DRGX: variants seen among roughly 807,000 people sequenced by gnomAD.
DRGX encodes dorsal root ganglia homeobox protein.
Under a neutral mutation model 28.6 loss-of-function variants are expected in DRGX, and 21 were observed. The observed-to-expected ratio is 0.73, with a 90% confidence interval of 0.52 to 1.06. The LOEUF (loss-of-function observed/expected upper bound fraction) is 1.06, where lower values mean the gene tolerates loss of function less well. Ranked by LOEUF, DRGX falls within the 50% of genes least tolerant of loss-of-function variation. DRGX has a pLI of 0.00. For missense variants in DRGX, 354 were observed against 343.9 expected, an observed-to-expected ratio of 1.03 and a Z score of -0.23; for synonymous variants, 136 against 139.1, an observed-to-expected ratio of 0.98 and a Z score of 0.16.
At chr10:49,381,885 T>C (rs1226410113) in intron 6 of DRGX, among the ~76,000 whole-genome samples, 1 of 152,144 alleles carries the variant, frequency 6.6e-6, no homozygotes, top group Non-Finnish European at 1.5e-5. Flanking sequence ...CCACAAAGCC[T>C]GGGGAAGGAG....
chr10:49,376,199 A>G (rs1010601496), intron 6 of DRGX, among the ~76,000 whole-genome samples: 5 of 152,142 alleles, frequency 3.3e-5, no homozygotes, highest in African/African-American at 1.2e-4. Context: ...TATTCTGCAG[A>G]AGCCGTGGTA....
intron 6 of DRGX, 49 bp downstream of exon 6, chr10:49,386,429 A>G (rs1590368780): frequency 6.8e-6 from 10 of 1,460,254 alleles, no homozygotes; most frequent in Non-Finnish European, 9.1e-6. Context: ...CACAAACTCC[A>G]CCAACCCCAT....
intron 4 of DRGX, 64 bp downstream of exon 4, chr10:49,390,069 G>T (rs755578858): frequency 1.3e-5 from 19 of 1,482,032 alleles, no homozygotes; most frequent in Non-Finnish European, 1.6e-5. Flanking sequence ...CTGCAGTCAT[G>T]ATGTCAAAAA....
At position 49,394,915 on chromosome 10, in the gene DRGX, CA is replaced by C. The variant is rs541135117; in HGVS notation, c.34+491del. The stretch of plus-strand genomic sequence containing the variant: ...GAAGGGAATTGAGCTGCCCAGAATC[CA>C]GGGCGGAAGAGGCCCCTGCAGTGTT... On this transcript the variant is annotated intron_variant, in intron 2 of 6. Transcript: ENST00000374139. 6.0e-4 allele frequency among the ~76,000 whole-genome samples: 92 copies of C among 152,364 alleles called. 1 individual carries two copies. The highest frequency in any genetic ancestry group is 2.2e-3 in the African/African-American group (90 of 41,594).
intron 6 of DRGX, among the ~76,000 whole-genome samples, chr10:49,378,988 G>T (rs1849745716): frequency 1.3e-5 from 2 of 152,184 alleles, no homozygotes; most frequent in South Asian, 4.1e-4. Flanking sequence ...AATTTGAAAT[G>T]CTGTAAATCT....
chr10:49,388,958 T>C (rs1849870050), intron 4 of DRGX, among the ~76,000 whole-genome samples: 1 of 152,178 alleles, frequency 6.6e-6, no homozygotes, highest in Non-Finnish European at 1.5e-5. Context: ...ACCCCTATCT[T>C]ACCCTTGCAC....
intron 6 of DRGX, among the ~76,000 whole-genome samples, chr10:49,374,585 G>A (rs762887082): frequency 5.9e-5 from 9 of 152,146 alleles, no homozygotes; most frequent in Non-Finnish European, 1.2e-4. Flanking sequence ...TTTCCATTAA[G>A]TTCCATCAAA....
At chr10:49,389,187 G>A (rs1188384757) in intron 4 of DRGX, among the ~76,000 whole-genome samples, 1 of 152,136 alleles carries the variant, frequency 6.6e-6, no homozygotes, top group Admixed American at 6.5e-5. Context: ...TTAATAATCA[G>A]GATCACATAA....
At chr10:49,392,793 C>T (rs1273789381) in intron 2 of DRGX, among the ~76,000 whole-genome samples, 1 of 152,114 alleles carries the variant, frequency 6.6e-6, no homozygotes, top group African/African-American at 2.4e-5. Flanking sequence ...AGCTCTTTTA[C>T]TTAAAAATAA....
In DRGX at chr10:49,365,888, T is replaced by A. The variant is rs1402917521; in HGVS notation, c.*228A>T. 4 of 408,518 alleles carry A rather than the reference T, an allele frequency of 9.8e-6. No individual in the cohort carries two copies. The highest frequency in any genetic ancestry group is 1.3e-5 in the Non-Finnish European group (3 of 238,610). The allele number at this position is 408,518 out of a possible 1,614,324, so 25.3% of individuals were successfully genotyped here. On this transcript the variant is annotated 3_prime_UTR_variant, in exon 7 of 7. Coordinates refer to ENST00000374139, the MANE Select transcript of DRGX (RefSeq NM_001276451.2). ...AGGGCTCTGCTGCCACCAAGTGCCA[T>A]CGGGATCTGTTGCCAAAGAAGCCAG...
At chr10:49,389,588 G>C (rs1193309470) in intron 4 of DRGX, among the ~76,000 whole-genome samples, 2 of 152,096 alleles carry the variant, frequency 1.3e-5, no homozygotes, top group African/African-American at 4.8e-5. Flanking sequence ...GTCACCGCGG[G>C]CCATACTCAT....
rs1344578088 is a variant in DRGX at position 49,386,568 on chromosome 10, C to A, written c.436G>T (p.Ala146Ser). 2 of 1,591,046 alleles carry A rather than the reference C, an allele frequency of 1.3e-6. No homozygotes were observed. Among genetic ancestry groups the A allele is most frequent in the African/African-American group, 2.7e-5 (2 of 74,402 alleles). Residue 146 changes from alanine (A) to serine (S), a missense_variant, in exon 6 of 7, where the codon GCA (alanine) becomes TCA (serine). Coordinates refer to ENST00000374139, the MANE Select transcript of DRGX (RefSeq NM_001276451.2). Reference sequence around the variant, plus strand: ...AAGCAGGAGGGGAAGAAAGGCCCTGCAGGACCTACCGTTCGCCCCAGGCTG... The same window carrying A: ...AAGCAGGAGGGGAAGAAAGGCCCTGAAGGACCTACCGTTCGCCCCAGGCTG... ...QQSLGRTVGP[A>S]GPFFPSCLPG... is the part of the protein sequence containing the mutation.
At chr10:49,369,508 A>G (rs568531667) in intron 6 of DRGX, among the ~76,000 whole-genome samples, 2 of 152,342 alleles carry the variant, frequency 1.3e-5, no homozygotes, top group African/African-American at 4.8e-5. Flanking sequence ...CTAAAAGAAC[A>G]AATCCTGCAG....
chr10:49,368,841 A>G (rs1319533000), intron 6 of DRGX, among the ~76,000 whole-genome samples: 1 of 152,266 alleles, frequency 6.6e-6, no homozygotes, highest in African/African-American at 2.4e-5. Flanking sequence ...TTAATTTTAA[A>G]TGAATGTTAA....
intron 2 of DRGX, 147 bp downstream of exon 2, chr10:49,395,260 A>T: frequency 1.1e-6 from 1 of 909,284 alleles, no homozygotes; most frequent in Non-Finnish European, 1.7e-6. Flanking sequence ...GGGTGTAGGG[A>T]GGGGTCCAGG....
chr10:49,383,359 A>C (rs1281175428), intron 6 of DRGX, among the ~76,000 whole-genome samples: 3 of 152,204 alleles, frequency 2.0e-5, no homozygotes, highest in African/African-American at 7.2e-5. Context: ...CTGCTCAGAA[A>C]GGCCAGGCAG....
intron 6 of DRGX, among the ~76,000 whole-genome samples, chr10:49,384,908 G>C (rs138082109): frequency 6.6e-6 from 1 of 152,172 alleles, no homozygotes; most frequent in African/African-American, 2.4e-5. Context: ...AGAGTAGGGC[G>C]AGCGACCCTC....
intron 3 of DRGX, 88 bp from the exon 4 acceptor site, chr10:49,390,322 G>T: frequency 8.8e-7 from 1 of 1,134,518 alleles, no homozygotes; most frequent in Non-Finnish European, 1.3e-6. Flanking sequence ...TGTGAGTGGT[G>T]AGGAAGCAGT....
chr10:49,395,317 G>C, intron 2 of DRGX, 90 bp downstream of exon 2: 1 of 1,497,098 alleles, frequency 6.7e-7, no homozygotes, highest in Non-Finnish European at 9.0e-7. Flanking sequence ...GCAGGGCGGG[G>C]ACCCAGCCAC....
Sources: gnomAD v4.1 joint callset for allele counts (sites outside exome capture counted in the v4.1 genomes callset) on GRCh38, gnomAD v4.1.1 for gene constraint, MANE v1.5 for transcripts, NCBI Gene and HGNC (gene_info 2026-07-23, HGNC 2026-07-21) for gene names.